Variants in ABLIM2 observed in about 807,000 individuals in gnomAD.
ABLIM2 encodes actin binding LIM protein family member 2.
In ABLIM2, 53 loss-of-function variants were observed where a neutral mutation model predicts 97.7. The ratio of observed to expected loss-of-function variants is 0.54; its 90% CI spans 0.44 to 0.68. ABLIM2 has a LOEUF of 0.68. Ranked by LOEUF, ABLIM2 falls within the 30% of genes least tolerant of loss-of-function variation. The probability of loss-of-function intolerance (pLI) is 0.00; values close to 1 mark genes in which losing one functional copy is unlikely to be tolerated. For missense variants in ABLIM2, 835 were observed against 867.2 expected (o/e 0.96, Z 0.47); for synonymous variants, 361 against 345.8 (o/e 1.04, Z -0.49).
In ABLIM2 at chr4:8,061,473, TA is replaced by T. The variant is rs1232820797; in HGVS notation, c.676-420del. On this transcript the variant is annotated intron_variant, in intron 6 of 20. Transcript: ENST00000447017. The surrounding 1 kb of genome is among the most constrained non-coding windows in gnomAD (Gnocchi z 4.5). The stretch of plus-strand genomic sequence containing the variant: ...ATATGATTTCCCTAGGTGCAAGAAT[TA>T]GGGGAGTGGGGTGAAAAAGGATGAA... 1.3e-5 allele frequency among the ~76,000 whole-genome samples: 2 copies of T among 151,876 alleles called. No individual in the cohort carries two copies. The highest frequency in any genetic ancestry group is 4.8e-5 in the African/African-American group (2 of 41,342).
chr4:8,071,923 G>A lies in ABLIM2; in HGVS notation c.675+5705C>T, dbSNP rs981065455. 61 of 985,306 alleles carry A rather than the reference G, an allele frequency of 6.2e-5. No individual in the cohort carries two copies. Among genetic ancestry groups the A allele is most frequent in the Admixed American group, 5.5e-4 (9 of 16,266 alleles). 61.0% of individuals were successfully genotyped at this position (985,306 alleles called of 1,614,324 possible). On this transcript the variant is annotated intron_variant, in intron 6 of 20. Transcript: ENST00000447017. The surrounding 1 kb of genome is among the most constrained non-coding windows in gnomAD (Gnocchi z 6.2). The stretch of plus-strand genomic sequence containing the variant: ...CCCTGGGAGTCCACTGTCACCCAGC[G>A]GGGCACCGGCACACTGGGCCGAGCA...
chr4:7,985,976 G>C, intron 17 of ABLIM2, among the ~76,000 whole-genome samples: 1 of 152,348 alleles, frequency 6.6e-6, no homozygotes, highest in South Asian at 2.1e-4. Flanking sequence ...GCTGGGGCCC[G>C]GGGTTCGCAC....
In ABLIM2 at chr4:8,004,068, A is replaced by C. The variant is rs28548554; in HGVS notation, c.1618+3991T>G. Among the ~76,000 whole-genome samples, 5 of 151,688 alleles carry C rather than the reference A, an allele frequency of 3.3e-5. No homozygotes were observed. Among genetic ancestry groups the C allele is most frequent in the Admixed American group, 2.6e-4 (4 of 15,274 alleles). On this transcript the variant is annotated intron_variant, in intron 16 of 20. Coordinates refer to ENST00000447017, the MANE Select transcript of ABLIM2 (RefSeq NM_001130083.2). This position sits in a 1 kb window ranked among gnomAD's most constrained non-coding sequence, Gnocchi z 5.9. ...ATCTTGCAGCTCCAGAGGAGTAAAA[A>C]GGGAAAGGAGGAAGACCACCTCTGC...
chr4:8,048,170 T>C (rs1320062), intron 8 of ABLIM2, among the ~76,000 whole-genome samples: 128,914 of 152,262 alleles, frequency 0.85, 54,950 homozygotes, highest in African/African-American at 0.95. Flanking sequence ...TGGGTGGGGA[T>C]GAGTCAGAAG....
intron 1 of ABLIM2, among the ~76,000 whole-genome samples, chr4:8,134,966 C>T (rs1533506): frequency 1.3e-5 from 2 of 152,084 alleles, no homozygotes; most frequent in Non-Finnish European, 2.9e-5. Flanking sequence ...GGAGCCAGTG[C>T]GTCCCATGCG....
rs1397811796 is a variant in ABLIM2 at position 8,046,530 on chromosome 4, C to T, written c.823-1289G>A. On this transcript the variant is annotated intron_variant, in intron 8 of 20. Transcript: ENST00000447017. This position sits in a 1 kb window ranked among gnomAD's most constrained non-coding sequence, Gnocchi z 4.4. ...ACGGCCCCCACGTCCTCTGCTGCTT[C>T]GATGGTTTCCCACCCCGACCACAGC... 1.3e-5 allele frequency among the ~76,000 whole-genome samples: 2 copies of T among 152,152 alleles called. No homozygotes were observed. The highest frequency in any genetic ancestry group is 2.9e-5 in the Non-Finnish European group (2 of 68,024).
intron 20 of ABLIM2, among the ~76,000 whole-genome samples, chr4:7,976,043 T>C (rs1732788889): frequency 6.6e-6 from 1 of 152,186 alleles, no homozygotes; most frequent in Non-Finnish European, 1.5e-5. Flanking sequence ...GACCACCCAC[T>C]TCTTATTCCT....
chr4:8,070,031 T>C (rs1052507055), intron 6 of ABLIM2, among the ~76,000 whole-genome samples: 1 of 152,148 alleles, frequency 6.6e-6, no homozygotes, highest in African/African-American at 2.4e-5. Flanking sequence ...TGTGTGTCTA[T>C]GTGCTTTGTG....
rs1318502298 is a variant in ABLIM2 at position 7,966,131 on chromosome 4, AAAAAG to A, written c.*854_*858del. On this transcript the variant is annotated 3_prime_UTR_variant, in exon 21 of 21. Coordinates refer to ENST00000447017, the MANE Select transcript of ABLIM2 (RefSeq NM_001130083.2). The stretch of plus-strand genomic sequence containing the variant: ...CTGTGTGACGAGAAAAAGAAAAAAG[AAAAAG>A]AAAAGAAACTAGACAGGGAGCTCTG... The A allele has an allele frequency of 6.6e-6, 1 of 152,336 alleles. No homozygotes were observed. Among genetic ancestry groups the A allele is most frequent in the African/African-American group, 2.4e-5 (1 of 41,450 alleles). 9.4% of individuals were successfully genotyped at this position (152,336 alleles called of 1,614,324 possible). A position where few individuals can be genotyped will look rare whatever the true frequency, so the allele number is the denominator to read the frequency against.
chr4:8,104,522 G>C (rs4696758), intron 2 of ABLIM2, among the ~76,000 whole-genome samples: 2 of 152,106 alleles, frequency 1.3e-5, no homozygotes, highest in East Asian at 3.9e-4. Flanking sequence ...AAGTGCCCCC[G>C]GTGATGTCCC....
rs1383134727 is a variant in ABLIM2 at position 8,080,797 on chromosome 4, C to T, written c.460G>A (p.Gly154Arg). 5.0e-6 allele frequency: 8 copies of T among 1,606,912 alleles called. No individual in the cohort carries two copies. Among genetic ancestry groups the T allele is most frequent in the Non-Finnish European group, 6.0e-6 (7 of 1,175,666 alleles). Residue 154 changes from glycine (G) to arginine (R), a missense_variant, in exon 5 of 21, where the codon GGG becomes AGG. Transcript: ENST00000447017. ...AHLSQGLRSC[G>R]GCGTEIKNGQ... ...TTCTTGATTTCTGTGCCGCAGCCCC[C>T]ACAACCTGGAAGAAAGAGAAGAGAA...
intron 16 of ABLIM2, among the ~76,000 whole-genome samples, chr4:8,006,091 C>T (rs369888012): frequency 2.0e-5 from 3 of 152,362 alleles, no homozygotes; most frequent in East Asian, 1.9e-4. Flanking sequence ...CTCTGGGCCT[C>T]GCAAGGCTGG....
At chr4:7,973,677 G>A (rs575647896) in intron 20 of ABLIM2, among the ~76,000 whole-genome samples, 1 of 152,272 alleles carries the variant, frequency 6.6e-6, no homozygotes, top group South Asian at 2.1e-4. Context: ...CTGTGGCTAC[G>A]GGGTTGTTTT....
chr4:8,085,638 G>A lies in ABLIM2; in HGVS notation c.454+2531C>T, dbSNP rs575517153. 1.5e-3 allele frequency among the ~76,000 whole-genome samples: 196 copies of A among 133,884 alleles called. No homozygotes were observed. Among genetic ancestry groups the A allele is most frequent in the African/African-American group, 5.2e-3 (180 of 34,680 alleles). 87.8% of individuals were successfully genotyped at this position (133,884 alleles called of 152,430 possible). A position where few individuals can be genotyped will look rare whatever the true frequency, so the allele number is the denominator to read the frequency against. On this transcript the variant is annotated intron_variant, in intron 4 of 20. Transcript: ENST00000447017. The surrounding 1 kb of genome is among the most constrained non-coding windows in gnomAD (Gnocchi z 6.1). ...CCACGCTGCAGCCCTGTCCACTCAC[G>A]CAGGTCTGGGGGTGCCCACGCTGCA...
Position 8,148,542 on chromosome 4 carries a change from G to C in ABLIM2, c.10+10138C>G, listed in dbSNP as rs1852196879. Among the ~76,000 whole-genome samples the C allele has an allele frequency of 6.6e-6, 1 of 152,184 alleles. No homozygotes were observed. The highest frequency in any genetic ancestry group is 2.4e-5 in the African/African-American group (1 of 41,448). On this transcript the variant is annotated intron_variant, in intron 1 of 20. Coordinates refer to ENST00000447017, the MANE Select transcript of ABLIM2 (RefSeq NM_001130083.2). This position sits in a 1 kb window ranked among gnomAD's most constrained non-coding sequence, Gnocchi z 6.7. ...CCTCCGTTTGCTCACCTGTGAAGTG[G>C]GAATACTGGTAGTCCCGAGCAAGGA...
chr4:8,108,029 C>A (rs2152763643), intron 1 of ABLIM2, among the ~76,000 whole-genome samples: 1 of 152,336 alleles, frequency 6.6e-6, no homozygotes, highest in Non-Finnish European at 1.5e-5. Context: ...GAAACCAGCC[C>A]TTCTCACACC....
chr4:7,995,858 C>T (rs773295069), intron 16 of ABLIM2, among the ~76,000 whole-genome samples: 6 of 152,158 alleles, frequency 3.9e-5, no homozygotes, highest in African/African-American at 7.2e-5. Context: ...AGCCCCTCCT[C>T]GGCACCCCCA....
At chr4:8,092,404 C>T (rs1829306718) in intron 3 of ABLIM2, among the ~76,000 whole-genome samples, 1 of 152,204 alleles carries the variant, frequency 6.6e-6, no homozygotes, top group East Asian at 1.9e-4. Context: ...CATGCAAAAA[C>T]TGCTTTCCTT....
In ABLIM2 at chr4:8,149,961, C is replaced by T. The variant is rs972457115; in HGVS notation, c.10+8719G>A. Among the ~76,000 whole-genome samples the T allele has an allele frequency of 2.6e-5, 4 of 152,088 alleles. No individual in the cohort carries two copies. The highest frequency in any genetic ancestry group is 2.0e-4 in the Admixed American group (3 of 15,268). On this transcript the variant is annotated intron_variant, in intron 1 of 20. Coordinates refer to ENST00000447017, the MANE Select transcript of ABLIM2 (RefSeq NM_001130083.2). The surrounding 1 kb of genome is among the most constrained non-coding windows in gnomAD (Gnocchi z 6.4). The stretch of plus-strand genomic sequence containing the variant: ...CATCCAAATGCCCCCTCCTGGCTTC[C>T]CCTCCCTTCCCCCCTTACCCTCCTC...
Sources: allele counts gnomAD v4.1 joint callset (sites outside exome capture counted in the v4.1 genomes callset), GRCh38; gene constraint gnomAD v4.1.1; non-coding constraint Gnocchi (gnomAD v3.1); transcripts MANE v1.5; gene names NCBI Gene and HGNC (gene_info 2026-07-23, HGNC 2026-07-21).